The following GSDMC variants were observed in gnomAD, a reference collection of about 807,000 sequenced individuals.
The protein encoded by GSDMC is gasdermin-C.
GSDMC carries 59 observed loss-of-function variants against 58.0 expected under a neutral mutation model. The observed-to-expected ratio is 1.02, with a 90% CI of 0.82 to 1.26. The LOEUF is 1.26. Ranked by LOEUF, GSDMC falls within the 50% of genes most tolerant of loss-of-function variation. The pLI, the probability that GSDMC is intolerant of heterozygous loss-of-function variation, is 0.00. For synonymous variants in GSDMC, 241 were observed against 220.2 expected (o/e 1.09, Z -0.83); for missense variants, 659 against 598.5 (o/e 1.10, Z -1.06).
the GSDMC span, among the ~76,000 whole-genome samples, chr8:129,739,732 A>G: frequency 1.3e-5 from 2 of 152,240 alleles, no homozygotes; most frequent in Non-Finnish European, 2.9e-5. Context: ...TCTATAATAC[A>G]GAATACTTGC....
the GSDMC span, among the ~76,000 whole-genome samples, chr8:129,735,800 T>C: frequency 1.3e-5 from 2 of 151,840 alleles, no homozygotes. Context: ...AAGAAATAAC[T>C]AAGATCAGAG....
chr8:129,768,509 A>T (rs547778005), intron 3 of GSDMC, among the ~76,000 whole-genome samples: 1 of 152,358 alleles, frequency 6.6e-6, no homozygotes, highest in South Asian at 2.1e-4. Flanking sequence ...TAGTTCCACA[A>T]AGAAATAGAA....
chr8:129,760,497 T>C (rs2033615955), intron 6 of GSDMC, 48 bp downstream of exon 6: 2 of 1,063,360 alleles, frequency 1.9e-6, no homozygotes, highest in Non-Finnish European at 2.9e-6. Flanking sequence ...ATACCTCCCA[T>C]GTACTCATAA....
intron 6 of GSDMC, among the ~76,000 whole-genome samples, chr8:129,756,439 A>C (rs2033438208): frequency 6.6e-6 from 1 of 152,086 alleles, no homozygotes; most frequent in Non-Finnish European, 1.5e-5. Flanking sequence ...ATTAGAGCTA[A>C]AGAGACAGTA....
chr8:129,744,073 T>G (rs1443061384), downstream of GSDMC, among the ~76,000 whole-genome samples: 2 of 76,800 alleles, frequency 2.6e-5, no homozygotes, highest in African/African-American at 3.7e-4. Flanking sequence ...AACTCTGCCC[T>G]AAAAATGTTA....
chr8:129,764,291 A>G (rs2033780929), intron 4 of GSDMC, among the ~76,000 whole-genome samples: 2 of 152,106 alleles, frequency 1.3e-5, no homozygotes. Flanking sequence ...GCAGGGATTA[A>G]ACTATCTCTT....
chr8:129,774,762 A>G (rs569342849), intron 3 of GSDMC, among the ~76,000 whole-genome samples: 34 of 152,340 alleles, frequency 2.2e-4, no homozygotes, highest in African/African-American at 7.7e-4. Flanking sequence ...GAAAATGGGC[A>G]AAGGACCTAA....
rs376086270 is a variant in GSDMC, at chr8:129,748,452, G to C, written c.*49C>G. On this transcript the variant is annotated 3_prime_UTR_variant, in exon 14 of 14. Coordinates refer to ENST00000276708, the MANE Select transcript of GSDMC (RefSeq NM_031415.3). ...CACCCATAAGGACACTCACAGCATA[G>C]ACTGGGCGAGGGCCAGCATCTCTGG... 1.3e-6 allele frequency: 2 copies of C among 1,548,752 alleles called. No homozygotes were observed. The highest frequency in any genetic ancestry group is 2.0e-5 in the Admixed American group (1 of 51,044).
At chr8:129,771,964 G>A (rs1032268687) in intron 3 of GSDMC, among the ~76,000 whole-genome samples, 1 of 152,214 alleles carries the variant, frequency 6.6e-6, no homozygotes, top group East Asian at 1.9e-4. Context: ...ATACCTTAAA[G>A]AACTAGAAAA....
chr8:129,780,767 G>A (rs772489064), intron 1 of GSDMC, among the ~76,000 whole-genome samples: 92 of 152,130 alleles, frequency 6.0e-4, no homozygotes, highest in Non-Finnish European at 1.2e-3. Flanking sequence ...CTGTAATTGT[G>A]GTGTGTAAAC....
At chr8:129,730,570 A>G in the GSDMC span, 1 of 308,402 alleles carries the variant, frequency 3.2e-6, no homozygotes, top group Non-Finnish European at 5.6e-6. Context: ...AAATATGCGT[A>G]TTCTGAAGTC....
the GSDMC span, among the ~76,000 whole-genome samples, chr8:129,716,938 G>C: frequency 2.0e-5 from 3 of 152,316 alleles, no homozygotes; most frequent in Admixed American, 6.5e-5. Flanking sequence ...TGCATATGTT[G>C]AAGCAGGCTT....
chr8:129,752,790 C>G lies in GSDMC; in HGVS notation c.752G>C (p.Cys251Ser). The G allele has an allele frequency of 6.2e-7, 1 of 1,614,188 alleles. No homozygotes were observed. The highest frequency in any genetic ancestry group is 1.3e-5 in the African/African-American group (1 of 75,056). ...TAGCAACCCCTCACTCCTCGCAGCA[C>G]AGTAGCCTACCATTTCGGAAATTTC... The part of the protein sequence containing the change: ...EYEISEMVGY[C>S]AARSEGLLPS... Residue 251 changes from cysteine (C) to serine (S), a missense_variant, in exon 7 of 14, where the codon TGT becomes TCT. Transcript: ENST00000276708.
intron 3 of GSDMC, 55 bp downstream of exon 3, chr8:129,776,047 G>T: frequency 7.3e-7 from 1 of 1,366,502 alleles, no homozygotes; most frequent in Non-Finnish European, 1.0e-6. Context: ...TGTGTTCAAG[G>T]AAAACACCCC....
At chr8:129,739,137 G>C in the GSDMC span, among the ~76,000 whole-genome samples, 1 of 152,184 alleles carries the variant, frequency 6.6e-6, no homozygotes, top group Non-Finnish European at 1.5e-5. Context: ...GAAGTGGGTG[G>C]CAAGCCATGT....
chr8:129,783,777 T>A lies in GSDMC; in HGVS notation c.-5+2234A>T, dbSNP rs1486036007. On this transcript the variant is annotated intron_variant, in intron 1 of 13. Transcript: ENST00000276708. Reference sequence around the variant, plus strand: ...ATATGGAAACACAAAAGACCCAGAATAACAAAATCTATCCTGAGCAAAAAG... The same window carrying A: ...ATATGGAAACACAAAAGACCCAGAAAAACAAAATCTATCCTGAGCAAAAAG... Among the ~76,000 whole-genome samples, 4 of 152,036 alleles carry A rather than the reference T, an allele frequency of 2.6e-5. No homozygotes were observed. In the South Asian group the frequency reaches 8.3e-4, roughly 31 times the overall value.
chr8:129,751,769 G>T, intron 9 of GSDMC, 93 bp downstream of exon 9: 1 of 1,330,954 alleles, frequency 7.5e-7, no homozygotes, highest in Non-Finnish European at 1.1e-6. Context: ...CTAGGGCGGT[G>T]GTGGCAAAGG....
chr8:129,730,561 A>G, the GSDMC span: 2 of 331,744 alleles, frequency 6.0e-6, no homozygotes, highest in African/African-American at 4.3e-5. Context: ...AGTTGGAAGA[A>G]ATATGCGTAT....
the GSDMC span, among the ~76,000 whole-genome samples, chr8:129,708,475 C>T: frequency 6.6e-6 from 1 of 152,244 alleles, no homozygotes; most frequent in African/African-American, 2.4e-5. Context: ...AGTTACAGTC[C>T]TCCTACACTC....
Sources: allele counts gnomAD v4.1 joint callset (sites outside exome capture counted in the v4.1 genomes callset), GRCh38; gene constraint gnomAD v4.1.1; transcripts MANE v1.5; gene names NCBI Gene and HGNC (gene_info 2026-07-23, HGNC 2026-07-21).